The following C10orf143 variants were observed in gnomAD, a reference collection of about 807,000 sequenced individuals.
The protein encoded by C10orf143 is chromosome 10 open reading frame 143, also known as uncharacterized protein C10orf143.
At chr10:130,077,167 C>T (rs1861131914) in intron 3 of C10orf143, among the ~76,000 whole-genome samples, 1 of 151,976 alleles carries the variant, frequency 6.6e-6, no homozygotes, top group Admixed American at 6.6e-5. Context: ...AATGAGTCAA[C>T]AGAAATAGAC....
intron 4 of C10orf143, among the ~76,000 whole-genome samples, chr10:130,035,602 G>A (rs1389500608): frequency 2.0e-5 from 3 of 152,112 alleles, no homozygotes; most frequent in African/African-American, 2.4e-5. Context: ...TGCTTACTCG[G>A]TGCCCTCACA....
At chr10:130,107,836 G>A in intron 1 of C10orf143, 1 of 1,250,950 alleles carries the variant, frequency 8.0e-7, no homozygotes, top group South Asian at 1.2e-5. Context: ...CACTTCCGAG[G>A]GAACAGGACC....
intron 1 of C10orf143, among the ~76,000 whole-genome samples, chr10:130,108,910 T>C (rs1861711197): frequency 6.6e-6 from 1 of 152,196 alleles, no homozygotes; most frequent in African/African-American, 2.4e-5. Flanking sequence ...CGTCTCAAAG[T>C]CGCAGAAAAC....
At chr10:130,050,407 T>G (rs1860723533) in intron 3 of C10orf143, among the ~76,000 whole-genome samples, 1 of 152,158 alleles carries the variant, frequency 6.6e-6, no homozygotes, top group South Asian at 2.1e-4. Flanking sequence ...ACAACAAAAA[T>G]TAACCAGACG....
intron 1 of C10orf143, among the ~76,000 whole-genome samples, chr10:130,098,383 G>C (rs187261808): frequency 3.0e-4 from 46 of 152,276 alleles, no homozygotes; most frequent in African/African-American, 1.1e-3. Context: ...ACTGCCAAGA[G>C]AGAAATCTAA....
intron 1 of C10orf143, among the ~76,000 whole-genome samples, chr10:130,087,820 G>T (rs531109793): frequency 1.3e-5 from 2 of 152,328 alleles, no homozygotes; most frequent in East Asian, 3.9e-4. Context: ...ACGGAGCAGG[G>T]TGAGCAGAGC....
chr10:130,097,853 A>G (rs1216100547), intron 1 of C10orf143, among the ~76,000 whole-genome samples: 1 of 152,182 alleles, frequency 6.6e-6, no homozygotes, highest in Non-Finnish European at 1.5e-5. Context: ...GTTCCAGAAA[A>G]GGCAAATCCA....
At chr10:130,040,778 A>C (rs1417488734) in intron 3 of C10orf143, among the ~76,000 whole-genome samples, 1 of 152,090 alleles carries the variant, frequency 6.6e-6, no homozygotes, top group Admixed American at 6.5e-5. Flanking sequence ...AGTTGAGATC[A>C]CACCACTGCA....
At chr10:130,091,794 A>T in intron 1 of C10orf143, among the ~76,000 whole-genome samples, 1 of 151,588 alleles carries the variant, frequency 6.6e-6, no homozygotes, top group South Asian at 2.1e-4. Flanking sequence ...AGCCAAATCG[A>T]CCAAGCCAAA....
chr10:130,064,048 AT>A lies in C10orf143; in HGVS notation c.*305del. On this transcript the variant is annotated 3_prime_UTR_variant, in exon 4 of 4. Coordinates refer to ENST00000637128, the MANE Select transcript of C10orf143 (RefSeq NM_001355042.2). The stretch of plus-strand genomic sequence containing the variant: ...AAGCTCATAGGAAGTTTGATACAAA[AT>A]TTTTTGACTTGTAAATAATGCAATT... The A allele has an allele frequency of 3.7e-6, 1 of 271,444 alleles. No homozygotes were observed. Among genetic ancestry groups the A allele is most frequent in the East Asian group, 6.1e-5 (1 of 16,388 alleles). The allele number at this position is 271,444 out of a possible 1,614,324, so 16.8% of individuals were successfully genotyped here. A position where few individuals can be genotyped will look rare whatever the true frequency, so the allele number is the denominator to read the frequency against.
chr10:130,054,851 T>C (rs1353768111), intron 3 of C10orf143, among the ~76,000 whole-genome samples: 1 of 152,180 alleles, frequency 6.6e-6, no homozygotes, highest in East Asian at 1.9e-4. Flanking sequence ...GGTATAGTAC[T>C]GACATAAAGA....
intron 1 of C10orf143, chr10:130,107,605 A>C (rs763619300): frequency 1.5e-6 from 2 of 1,344,144 alleles, no homozygotes; most frequent in South Asian, 1.2e-5. Context: ...ATGGTCCCTC[A>C]TCATTGGGTC....
intron 1 of C10orf143, among the ~76,000 whole-genome samples, chr10:130,101,865 C>CAAAAAAAAAAAAAAAAAAAAAA (rs1267433489): frequency 2.1e-5 from 1 of 47,730 alleles, no homozygotes; most frequent in African/African-American, 1.3e-4. Context: ...AAAAAAAAAC[C>CAAAAAAAAAAAAAAAAAAAAAA]AAAAAAAAAA....
intron 1 of C10orf143, among the ~76,000 whole-genome samples, chr10:130,097,526 A>G (rs1861481628): frequency 6.6e-6 from 1 of 152,220 alleles, no homozygotes; most frequent in East Asian, 1.9e-4. Context: ...TTTGGAAAAT[A>G]TTTTGGCAGT....
chr10:130,055,396 A>G (rs958655218), intron 3 of C10orf143, among the ~76,000 whole-genome samples: 1 of 152,220 alleles, frequency 6.6e-6, no homozygotes, highest in African/African-American at 2.4e-5. Context: ...AGGAATTCAC[A>G]CAACTCAAAA....
intron 3 of C10orf143, among the ~76,000 whole-genome samples, chr10:130,050,964 C>T (rs1048003610): frequency 2.6e-5 from 4 of 152,200 alleles, no homozygotes; most frequent in African/African-American, 7.2e-5. Flanking sequence ...TGAGCTGTTA[C>T]GTGCAAAACA....
intron 3 of C10orf143, among the ~76,000 whole-genome samples, chr10:130,038,270 G>T (rs1446832834): frequency 6.6e-6 from 1 of 152,182 alleles, no homozygotes; most frequent in South Asian, 2.1e-4. Context: ...TCGGGTTCGG[G>T]ACTGCTCATT....
intron 1 of C10orf143, chr10:130,106,903 GGAT>G (rs753621089): frequency 4.8e-6 from 5 of 1,033,620 alleles, no homozygotes; most frequent in South Asian, 2.5e-5. Context: ...AAGACGTAAC[GGAT>G]GATGATAACT....
chr10:130,076,416 G>A (rs1381678607), intron 3 of C10orf143, among the ~76,000 whole-genome samples: 3 of 152,136 alleles, frequency 2.0e-5, no homozygotes, highest in East Asian at 3.9e-4. Flanking sequence ...CACAGAGGAG[G>A]GGCAGACAAA....
Sources: allele counts gnomAD v4.1 joint callset (sites outside exome capture counted in the v4.1 genomes callset), GRCh38; gene constraint gnomAD v4.1.1; transcripts MANE v1.5; gene names NCBI Gene and HGNC (gene_info 2026-07-23, HGNC 2026-07-21).